The following KCNIP4 variants were observed in gnomAD, a reference collection of about 807,000 sequenced individuals.
KCNIP4 encodes the protein potassium voltage-gated channel interacting protein 4.
A neutral mutation model predicts 34.0 loss-of-function variants in KCNIP4; 12 were observed. The ratio of observed to expected loss-of-function variants is 0.35; its 90% CI spans 0.23 to 0.57. The LOEUF is 0.57. Ranked by LOEUF, KCNIP4 falls within the 20% of genes least tolerant of loss-of-function variation. The probability of loss-of-function intolerance (pLI) is 0.83; values close to 1 mark genes in which losing one functional copy is unlikely to be tolerated. For missense variants in KCNIP4, 238 were observed against 311.7 expected (o/e 0.76, Z 1.78); for synonymous variants, 124 against 102.2 (o/e 1.21, Z -1.29).
At chr4:21,618,560 GTCTCTC>G (rs34578063) in intron 1 of KCNIP4, among the ~76,000 whole-genome samples, 6 of 141,236 alleles carry the variant, frequency 4.2e-5, no homozygotes, top group African/African-American at 1.3e-4. Context: ...TCTTTTTCTG[GTCTCTC>G]TCTCTCTCTC....
At chr4:20,828,660 C>G (rs892206137) in intron 3 of KCNIP4, among the ~76,000 whole-genome samples, 1 of 152,162 alleles carries the variant, frequency 6.6e-6, no homozygotes, top group African/African-American at 2.4e-5. Context: ...CTCACTCATT[C>G]TCTGTTATTC....
At chr4:21,109,387 G>T (rs1283053827) in intron 1 of KCNIP4, among the ~76,000 whole-genome samples, 8 of 152,258 alleles carry the variant, frequency 5.3e-5, no homozygotes, top group African/African-American at 1.9e-4. Context: ...GACTCCTTGG[G>T]TGTAGGACCC....
intron 1 of KCNIP4, among the ~76,000 whole-genome samples, chr4:21,581,178 A>G (rs1741172537): frequency 6.6e-6 from 1 of 152,024 alleles, no homozygotes. Context: ...ATATTTCCAA[A>G]CAAAATGAAA....
chr4:21,803,016 C>G (rs938024053), intron 1 of KCNIP4, among the ~76,000 whole-genome samples: 1 of 152,266 alleles, frequency 6.6e-6, no homozygotes, highest in Non-Finnish European at 1.5e-5. Context: ...CTGAAATTCT[C>G]CCAGTTCCAT....
chr4:21,878,785 C>T (rs1039294748), intron 1 of KCNIP4, among the ~76,000 whole-genome samples: 2 of 152,144 alleles, frequency 1.3e-5, no homozygotes, highest in African/African-American at 2.4e-5. Flanking sequence ...ACATGTACTT[C>T]CCACACCTTG....
chr4:21,718,384 A>T (rs1714547257), intron 1 of KCNIP4: 1 of 152,202 alleles, frequency 6.6e-6, no homozygotes, highest in South Asian at 2.1e-4. Flanking sequence ...CAAATATTAT[A>T]AAATTTGGTA....
chr4:21,049,820 G>C (rs1326808601), intron 1 of KCNIP4, among the ~76,000 whole-genome samples: 1 of 152,216 alleles, frequency 6.6e-6, no homozygotes, highest in East Asian at 1.9e-4. Flanking sequence ...AAGTCAAAGA[G>C]AGTGATGTTC....
intron 1 of KCNIP4, among the ~76,000 whole-genome samples, chr4:21,347,845 A>C (rs558165544): frequency 7.2e-5 from 11 of 152,170 alleles, no homozygotes; most frequent in Non-Finnish European, 1.6e-4. Flanking sequence ...ATAATAAAAT[A>C]ATACATCCAA....
At chr4:21,355,326 A>G (rs947191903) in intron 1 of KCNIP4, among the ~76,000 whole-genome samples, 3 of 152,184 alleles carry the variant, frequency 2.0e-5, no homozygotes, top group African/African-American at 7.2e-5. Flanking sequence ...GGAAATAGAG[A>G]CACAAAAAAC....
chr4:20,788,804 G>GAA, intron 3 of KCNIP4, among the ~76,000 whole-genome samples: 1 of 152,056 alleles, frequency 6.6e-6, no homozygotes, highest in Non-Finnish European at 1.5e-5. Context: ...AACAAAAATG[G>GAA]AAAATTACAC....
At chr4:21,911,653 CACAG>C (rs1319422509) in intron 1 of KCNIP4, among the ~76,000 whole-genome samples, 17 of 134,538 alleles carry the variant, frequency 1.3e-4, no homozygotes, top group African/African-American at 4.6e-4. Context: ...CACACACACA[CACAG>C]AGTCTGGTAT....
At chr4:21,623,117 G>A (rs1429606304) in intron 1 of KCNIP4, among the ~76,000 whole-genome samples, 1 of 152,062 alleles carries the variant, frequency 6.6e-6, no homozygotes, top group East Asian at 1.9e-4. Flanking sequence ...TTTTTCCATC[G>A]GCTTAATTTG....
intron 1 of KCNIP4, among the ~76,000 whole-genome samples, chr4:20,885,421 G>GT (rs373058646): frequency 4.7e-4 from 65 of 138,708 alleles, no homozygotes; most frequent in African/African-American, 1.7e-3. Context: ...AACCAGTCCT[G>GT]TGACCCTACC....
At chr4:21,477,567 C>T (rs185674891) in intron 1 of KCNIP4, among the ~76,000 whole-genome samples, 1 of 152,214 alleles carries the variant, frequency 6.6e-6, no homozygotes, top group Non-Finnish European at 1.5e-5. Flanking sequence ...AGTAGCCTTG[C>T]CATGGACAAA....
chr4:21,851,046 G>A (rs1724350507), intron 1 of KCNIP4: 1 of 152,082 alleles, frequency 6.6e-6, no homozygotes, highest in Admixed American at 6.6e-5. Flanking sequence ...ACCTAGCTGT[G>A]GTAAAGGGAG....
intron 1 of KCNIP4, among the ~76,000 whole-genome samples, chr4:21,267,166 T>G (rs1761863764): frequency 6.6e-6 from 1 of 152,182 alleles, no homozygotes; most frequent in African/African-American, 2.4e-5. Context: ...GACTCAAAAA[T>G]GTCATGTTGT....
intron 1 of KCNIP4, among the ~76,000 whole-genome samples, chr4:21,830,512 C>A (rs976368247): frequency 6.6e-6 from 1 of 151,924 alleles, no homozygotes; most frequent in African/African-American, 2.4e-5. Context: ...CCCGTTTCTA[C>A]TAAACACAAT....
intron 1 of KCNIP4, among the ~76,000 whole-genome samples, chr4:21,002,251 T>G (rs1221634365): frequency 2.6e-5 from 4 of 152,226 alleles, no homozygotes; most frequent in Non-Finnish European, 2.9e-5. Flanking sequence ...AGCCAATTTC[T>G]CATCTCAGAC....
intron 1 of KCNIP4, among the ~76,000 whole-genome samples, chr4:21,807,135 G>A (rs1721345387): frequency 6.6e-6 from 1 of 152,106 alleles, no homozygotes; most frequent in African/African-American, 2.4e-5. Context: ...TAGGGTTCAT[G>A]TGTCTATGAG....
Sources: gnomAD v4.1 joint callset for allele counts (sites outside exome capture counted in the v4.1 genomes callset) on GRCh38, gnomAD v4.1.1 for gene constraint, MANE v1.5 for transcripts, NCBI Gene and HGNC (gene_info 2026-07-23, HGNC 2026-07-21) for gene names.